Variants in ATP6V1H observed in about 807,000 individuals in gnomAD.
The protein encoded by ATP6V1H is ATPase H+ transporting V1 subunit H.
A neutral mutation model predicts 71.7 loss-of-function variants in ATP6V1H; 39 were observed. The ratio of observed to expected loss-of-function variants is 0.54; its 90% CI spans 0.42 to 0.71. The LOEUF (loss-of-function observed/expected upper bound fraction) is 0.71. ATP6V1H is among the 30% of genes least tolerant of loss of function. ATP6V1H has a pLI of 0.00. For synonymous variants in ATP6V1H, 192 were observed against 199.3 expected, an observed-to-expected ratio of 0.96 and a Z score of 0.31; for missense variants, 509 against 594.9, an observed-to-expected ratio of 0.86 and a Z score of 1.50.
chr8:53,816,968 C>A (rs927210396), intron 5 of ATP6V1H, among the ~76,000 whole-genome samples: 9 of 152,180 alleles, frequency 5.9e-5, no homozygotes, highest in African/African-American at 2.2e-4. Flanking sequence ...TCTCCACAGG[C>A]TTTGATGCAC....
At chr8:53,739,543 C>G (rs536273042) in intron 13 of ATP6V1H, 1 of 152,220 alleles carries the variant, frequency 6.6e-6, no homozygotes, top group Non-Finnish European at 1.5e-5. Context: ...ACGTGAGATC[C>G]TCTACCTACA....
chr8:53,786,545 T>C lies in ATP6V1H; in HGVS notation c.870+9102A>G, dbSNP rs528920084. ...CGCACTGTGCGCTGCACACACTGTC[T>C]GGCACTCCCCAGTGAGATGAACCTG... On this transcript the variant is annotated intron_variant, in intron 9 of 13. Coordinates refer to ENST00000359530, the MANE Select transcript of ATP6V1H (RefSeq NM_015941.4). 2.2e-3 allele frequency among the ~76,000 whole-genome samples: 338 copies of C among 152,220 alleles called. 2 individuals carry two copies. Among genetic ancestry groups the C allele is most frequent in the African/African-American group, 7.9e-3 (327 of 41,550 alleles).
At chr8:53,764,885 G>A (rs1453500958) in intron 11 of ATP6V1H, among the ~76,000 whole-genome samples, 1 of 151,946 alleles carries the variant, frequency 6.6e-6, no homozygotes, top group Non-Finnish European at 1.5e-5. Flanking sequence ...ACTGCTGTGA[G>A]GCCAGGAGTT....
At chr8:53,728,552 A>C (rs1806897284) in intron 13 of ATP6V1H, among the ~76,000 whole-genome samples, 1 of 152,228 alleles carries the variant, frequency 6.6e-6, no homozygotes, top group Non-Finnish European at 1.5e-5. Context: ...TGCTCGCATT[A>C]CAATTTCACT....
intron 1 of ATP6V1H, 43 bp from the exon 2 acceptor site, chr8:53,841,768 C>CT (rs908729927): frequency 3.7e-5 from 57 of 1,537,784 alleles, no homozygotes; most frequent in Middle Eastern, 1.7e-4. Flanking sequence ...CGAGGTGTTT[C>CT]TTTTTTTTAC....
chr8:53,757,893 G>A (rs1209359228), intron 11 of ATP6V1H, among the ~76,000 whole-genome samples: 1 of 152,160 alleles, frequency 6.6e-6, no homozygotes, highest in Admixed American at 6.5e-5. Flanking sequence ...AAAATGACAG[G>A]TCACAAATTA....
chr8:53,776,929 TG>T (rs1243881700), intron 9 of ATP6V1H, among the ~76,000 whole-genome samples: 1 of 152,098 alleles, frequency 6.6e-6, no homozygotes, highest in Non-Finnish European at 1.5e-5. Context: ...AATTTACAAA[TG>T]AGCTCAAAAG....
Position 53,795,760 on chromosome 8 carries a change from T to C in ATP6V1H, c.757A>G (p.Ser253Gly), listed in dbSNP as rs201154750. The C allele has an allele frequency of 6.2e-7, 1 of 1,614,056 alleles. No homozygotes were observed. The highest frequency in any genetic ancestry group is 2.2e-5 in the East Asian group (1 of 44,884). ...MIFSIWLLAF[S>G]PQMCEHLRRY... ...CGCAGGTGTTCACACATTTGAGGAC[T>C]GAATGCCAGGAGCCATATTGAAAAA... Residue 253 changes from serine to glycine, a missense_variant, in exon 9 of 14, where the codon AGT becomes GGT. Around this residue, in one of 2 missense-constraint regions of ATP6V1H, gnomAD observed 212 missense variants for 291.6 expected, o/e 0.73. Transcript: ENST00000359530.
intron 12 of ATP6V1H, among the ~76,000 whole-genome samples, chr8:53,752,432 A>C (rs1807829273): frequency 6.6e-6 from 1 of 152,252 alleles, no homozygotes; most frequent in South Asian, 2.1e-4. Flanking sequence ...TGAATATCCC[A>C]AACTCTCTGG....
intron 13 of ATP6V1H, among the ~76,000 whole-genome samples, chr8:53,728,627 C>T (rs1035338812): frequency 6.6e-6 from 1 of 152,162 alleles, no homozygotes; most frequent in Non-Finnish European, 1.5e-5. Flanking sequence ...TCTGGCAACG[C>T]CATCCACTCG....
chr8:53,716,220 A>T (rs1222088068), intron 13 of ATP6V1H, among the ~76,000 whole-genome samples, 196 bp from the exon 14 acceptor site: 1 of 152,258 alleles, frequency 6.6e-6, no homozygotes, highest in Non-Finnish European at 1.5e-5. Context: ...TATCATACAC[A>T]AACAAGTTAT....
chr8:53,817,633 T>A (rs1361552604), intron 4 of ATP6V1H, 103 bp from the exon 5 acceptor site: 1 of 705,638 alleles, frequency 1.4e-6, no homozygotes, highest in Middle Eastern at 3.4e-4. Context: ...GTGTTCTTTT[T>A]TCAGTGTGTG....
intron 11 of ATP6V1H, among the ~76,000 whole-genome samples, chr8:53,767,141 C>T (rs1267693309): frequency 1.3e-5 from 2 of 152,186 alleles, no homozygotes; most frequent in African/African-American, 4.8e-5. Flanking sequence ...CCAGCTGACA[C>T]TTAGGAAAAT....
chr8:53,778,689 CAA>C (rs1403785052), intron 9 of ATP6V1H, among the ~76,000 whole-genome samples: 3 of 151,966 alleles, frequency 2.0e-5, no homozygotes, highest in Admixed American at 2.0e-4. Flanking sequence ...AAACAGAAAA[CAA>C]AGAGTAAAAT....
chr8:53,793,959 C>T (rs1277735992), intron 9 of ATP6V1H, among the ~76,000 whole-genome samples: 4 of 151,976 alleles, frequency 2.6e-5, no homozygotes, highest in Admixed American at 2.6e-4. Flanking sequence ...AAAAAGTGTA[C>T]AAACACATTC....
intron 13 of ATP6V1H, among the ~76,000 whole-genome samples, chr8:53,738,945 A>C (rs1027586054): frequency 2.6e-5 from 4 of 152,204 alleles, no homozygotes; most frequent in African/African-American, 9.7e-5. Context: ...ATATTTTTAA[A>C]AATCCAGTTA....
chr8:53,755,582 T>C (rs1045970953), intron 12 of ATP6V1H, among the ~76,000 whole-genome samples: 1 of 146,942 alleles, frequency 6.8e-6, no homozygotes, highest in African/African-American at 2.5e-5. Context: ...TCTCTGTAAG[T>C]ACAAATAGTA....
chr8:53,764,968 G>A (rs1808399940), intron 11 of ATP6V1H, among the ~76,000 whole-genome samples: 1 of 152,172 alleles, frequency 6.6e-6, no homozygotes, highest in South Asian at 2.1e-4. Context: ...AGCCGGGCAT[G>A]GTGGTATGTG....
intron 13 of ATP6V1H, among the ~76,000 whole-genome samples, chr8:53,725,106 G>A (rs940600114): frequency 2.0e-5 from 3 of 152,196 alleles, no homozygotes; most frequent in Admixed American, 1.3e-4. Context: ...CCCAATGTGG[G>A]AGTATTGAGA....
Sources: allele counts gnomAD v4.1 joint callset (sites outside exome capture counted in the v4.1 genomes callset), GRCh38; gene constraint gnomAD v4.1.1; regional missense constraint gnomAD v4.1.1; transcripts MANE v1.5; gene names NCBI Gene and HGNC (gene_info 2026-07-23, HGNC 2026-07-21).